The following HNF1A variants were observed in gnomAD, a reference collection of about 807,000 sequenced individuals.
HNF1A encodes HNF1 homeobox A.
In HNF1A, 21 loss-of-function variants were observed where a neutral mutation model predicts 62.2. That is an observed-to-expected ratio of 0.34 (90% CI 0.24 to 0.49). The LOEUF is 0.49. Ranked by LOEUF, HNF1A falls within the 20% of genes least tolerant of loss-of-function variation. HNF1A has a pLI of 0.99. For synonymous variants in HNF1A, 374 were observed against 366.8 expected (o/e 1.02, Z -0.22); for missense variants, 687 against 832.3 (o/e 0.83, Z 2.15).
chr12:120,990,709 GAAAGAA>G (rs1048473756), intron 2 of HNF1A, among the ~76,000 whole-genome samples: 1 of 150,836 alleles, frequency 6.6e-6, no homozygotes, highest in African/African-American at 2.4e-5. Flanking sequence ...GAAAAGAAAA[GAAAGAA>G]AAAGAACGAG....
intron 9 of HNF1A, 23 bp downstream of exon 9, chr12:120,999,650 C>T (rs753252001): frequency 5.0e-6 from 8 of 1,601,602 alleles, no homozygotes; most frequent in South Asian, 2.2e-5. Context: ...GGCTCCACCC[C>T]CTCCCTTACT....
intron 1 of HNF1A, 33 bp from the exon 2 acceptor site, chr12:120,988,800 T>G (rs200854736): frequency 8.9e-5 from 143 of 1,609,198 alleles, no homozygotes; most frequent in Non-Finnish European, 1.1e-4. Context: ...AGACAGCCCT[T>G]GCTGAGCAGA....
intron 1 of HNF1A, among the ~76,000 whole-genome samples, chr12:120,984,538 G>T (rs1002347577): frequency 1.1e-4 from 17 of 152,056 alleles, no homozygotes; most frequent in African/African-American, 4.1e-4. Flanking sequence ...GAGGGTGATG[G>T]CTGCAGATGG....
In HNF1A at chr12:120,996,210, G is replaced by A. The variant is rs1312021950; in HGVS notation, c.956-52G>A. On this transcript the variant is annotated intron_variant, in intron 4 of 9. Transcript: ENST00000257555. The surrounding 1 kb of genome is among the most constrained non-coding windows in gnomAD (Gnocchi z 4.5). The stretch of plus-strand genomic sequence containing the variant: ...TGAAGTGCTGAGGGCTGTGGAGGCA[G>A]GGGAGGGCAGGGAAGTGGGGTGCTG... 4.2e-5 allele frequency: 68 copies of A among 1,607,620 alleles called. 1 individual carries two copies. The Middle Eastern group carries it at 7.8e-4, about 18-fold the overall frequency.
rs563076947 is a variant in HNF1A at position 120,983,628 on chromosome 12, C to T, written c.326+4534C>T. 7.3e-5 allele frequency among the ~76,000 whole-genome samples: 11 copies of T among 151,662 alleles called. No homozygotes were observed. In the South Asian group the frequency reaches 2.1e-3, roughly 29 times the overall value. ...TGGCGCAGTCTTGGCTCATTGCAAC[C>T]TCCGCCTCCCGGGTTCAAGTGATCC... is the stretch of plus-strand genomic sequence containing the variant. On this transcript the variant is annotated intron_variant, in intron 1 of 9. Coordinates refer to ENST00000257555, the MANE Select transcript of HNF1A (RefSeq NM_000545.8).
Position 120,996,520 on chromosome 12 carries a change from C to T in HNF1A, c.1108-21C>T. 8.7e-6 allele frequency: 14 copies of T among 1,613,310 alleles called. No individual in the cohort carries two copies. The highest frequency in any genetic ancestry group is 1.2e-5 in the Non-Finnish European group (14 of 1,179,836). ...TGTGGGGACCCCGGCCCCCCGGACA[C>T]AGCTTGGCTTCCCCTCGTAGGTCTC... is the stretch of plus-strand genomic sequence containing the variant. On this transcript the variant is annotated intron_variant, in intron 5 of 9. Transcript: ENST00000257555. The surrounding 1 kb of genome is among the most constrained non-coding windows in gnomAD (Gnocchi z 4.5).
rs1057473810 is a variant in HNF1A at position 121,001,169 on chromosome 12, C to G, written c.1873C>G (p.Gln625Glu). 1.9e-6 allele frequency: 3 copies of G among 1,614,142 alleles called. No homozygotes were observed. The highest frequency in any genetic ancestry group is 2.5e-6 in the Non-Finnish European group (3 of 1,180,008). The change falls in exon 10 of 10, where the codon CAG becomes GAG. Residue 625 changes from glutamine to glutamate, a missense_variant. This residue lies in a region of HNF1A where 408 missense variants were observed against 455.3 expected (regional missense o/e 0.90). Coordinates refer to ENST00000257555, the MANE Select transcript of HNF1A (RefSeq NM_000545.8). ...CGTCATCGAGACCTTCATCTCCACC[C>G]AGATGGCCTCTTCCTCCCAGTAACC... ...HSVIETFIST[Q>E]MASSSQ
At chr12:120,987,580 A>AT (rs201790562) in intron 1 of HNF1A, among the ~76,000 whole-genome samples, 27,834 of 129,758 alleles carry the variant, frequency 0.21, 2,970 homozygotes, top group African/African-American at 0.3. Context: ...TTCAGGAAGC[A>AT]TTTTTAAAAA....
At chr12:120,999,415 C>T in intron 8 of HNF1A, 26 bp downstream of exon 8, 3 of 1,613,818 alleles carry the variant, frequency 1.9e-6, no homozygotes, top group South Asian at 2.2e-5. Context: ...GCTGGCCCTC[C>T]CTTGGCCTGT....
intron 1 of HNF1A, among the ~76,000 whole-genome samples, chr12:120,985,910 G>A (rs1876485742): frequency 6.6e-6 from 1 of 151,640 alleles, no homozygotes; most frequent in Non-Finnish European, 1.5e-5. Flanking sequence ...GCTTGAACCT[G>A]GGAATCAGAG....
At chr12:120,984,643 G>C (rs1565882016) in intron 1 of HNF1A, among the ~76,000 whole-genome samples, 1 of 94,630 alleles carries the variant, frequency 1.1e-5, no homozygotes, top group South Asian at 2.9e-4. Context: ...TTCCTTCTGA[G>C]CTCTGACTGG....
intron 3 of HNF1A, 83 bp downstream of exon 3, chr12:120,993,789 TA>T: frequency 7.1e-7 from 1 of 1,412,950 alleles, no homozygotes; most frequent in Non-Finnish European, 9.8e-7. Flanking sequence ...CTAGGTCCTG[TA>T]AAAGGCTGTC....
intron 2 of HNF1A, among the ~76,000 whole-genome samples, chr12:120,990,652 G>GGAAAGGGAGGAAAGGGAGGAAAGA (rs1471922681): frequency 2.2e-4 from 21 of 96,538 alleles, no homozygotes; most frequent in Admixed American, 3.7e-4. Context: ...GGGAGGAAAG[G>GGAAAGGGAGGAAAGGGAGGAAAGA]TAGGAAAGGG....
At chr12:120,990,626 G>T (rs1384807372) in intron 2 of HNF1A, among the ~76,000 whole-genome samples, 3 of 146,930 alleles carry the variant, frequency 2.0e-5, no homozygotes, top group South Asian at 2.2e-4. Flanking sequence ...ATAGGAAAGG[G>T]AGGAAAGATA....
intron 4 of HNF1A, 46 bp downstream of exon 4, chr12:120,994,451 T>C: frequency 6.4e-7 from 1 of 1,561,222 alleles, no homozygotes; most frequent in Non-Finnish European, 8.7e-7. Flanking sequence ...GGTGGGAGGG[T>C]TGGGGAGGAC....
chr12:120,990,633 G>C (rs1177137398), intron 2 of HNF1A, among the ~76,000 whole-genome samples: 1 of 110,042 alleles, frequency 9.1e-6, no homozygotes, highest in Non-Finnish European at 2.1e-5. Context: ...AGGGAGGAAA[G>C]ATAGGAAAGG....
chr12:120,999,156 C>A lies in HNF1A; in HGVS notation c.1502-112C>A, dbSNP rs1434091644. Reference sequence around the variant, plus strand: ...ATCAGCCCTGGATCTCCAACTGCTGCCCAGTCTGGCTGTTCAGCAGGCCCC... The same window carrying A: ...ATCAGCCCTGGATCTCCAACTGCTGACCAGTCTGGCTGTTCAGCAGGCCCC... On this transcript the variant is annotated intron_variant, in intron 7 of 9. Coordinates refer to ENST00000257555, the MANE Select transcript of HNF1A (RefSeq NM_000545.8). 4 of 1,296,522 alleles carry A rather than the reference C, an allele frequency of 3.1e-6. No individual in the cohort carries two copies. The Middle Eastern group carries it at 5.9e-4, about 192-fold the overall frequency. 80.3% of individuals were successfully genotyped at this position (1,296,522 alleles called of 1,614,324 possible).
chr12:120,998,958 T>A (rs1877265915), intron 7 of HNF1A, among the ~76,000 whole-genome samples: 1 of 152,198 alleles, frequency 6.6e-6, no homozygotes, highest in Admixed American at 6.5e-5. Flanking sequence ...CTTAGTACAG[T>A]AGCCCTGCAC....
In HNF1A at chr12:121,001,384, T is replaced by C. The variant is rs1401083692; in HGVS notation, c.*192T>C. 1.5e-6 allele frequency: 1 copy of C among 678,874 alleles called. No individual in the cohort carries two copies. The highest frequency in any genetic ancestry group is 1.8e-5 in the African/African-American group (1 of 55,762). The allele number at this position is 678,874 out of a possible 1,614,324, so 42.1% of individuals were successfully genotyped here. A position where few individuals can be genotyped will look rare whatever the true frequency, so the allele number is the denominator to read the frequency against. On this transcript the variant is annotated 3_prime_UTR_variant, in exon 10 of 10. Coordinates refer to ENST00000257555, the MANE Select transcript of HNF1A (RefSeq NM_000545.8). Reference sequence around the variant, plus strand: ...AGGCGCCCCAACCCGTGGAGGCTGCTCGGGGTGCACAGGAGGGGGTCGTGG... The same window carrying C: ...AGGCGCCCCAACCCGTGGAGGCTGCCCGGGGTGCACAGGAGGGGGTCGTGG...
Sources: allele counts gnomAD v4.1 joint callset (sites outside exome capture counted in the v4.1 genomes callset), GRCh38; gene constraint gnomAD v4.1.1; regional missense constraint gnomAD v4.1.1; non-coding constraint Gnocchi (gnomAD v3.1); transcripts MANE v1.5; gene names NCBI Gene and HGNC (gene_info 2026-07-23, HGNC 2026-07-21).